ZNF592: variants seen among roughly 807,000 people sequenced by gnomAD.
ZNF592 encodes the protein spinocerebellar ataxia, autosomal recessive 5.
ZNF592 carries 11 observed loss-of-function variants against 80.3 expected under a neutral mutation model. That is an observed-to-expected ratio of 0.14 (90% CI 0.09 to 0.23). The LOEUF is 0.23. Ranked by LOEUF, ZNF592 falls within the 10% of genes least tolerant of loss-of-function variation. The pLI, the probability that ZNF592 is intolerant of heterozygous loss-of-function variation, is 1.00. For missense variants in ZNF592, 1,420 were observed against 1,633.9 expected, an observed-to-expected ratio of 0.87 and a Z score of 2.26; for synonymous variants, 646 against 640.3, an observed-to-expected ratio of 1.01 and a Z score of -0.13.
intron 1 of ZNF592, among the ~76,000 whole-genome samples, chr15:84,764,269 G>A (rs1189885231): frequency 1.3e-5 from 2 of 152,202 alleles, no homozygotes; most frequent in African/African-American, 2.4e-5. Context: ...GGAAAGCTTG[G>A]TGGCCACTGA....
At chr15:84,787,569 T>C (rs370693488) in intron 4 of ZNF592, among the ~76,000 whole-genome samples, 1 of 152,180 alleles carries the variant, frequency 6.6e-6, no homozygotes, top group South Asian at 2.1e-4. Flanking sequence ...TTCCATCTTC[T>C]TCCTGGGAGT....
intron 2 of ZNF592, among the ~76,000 whole-genome samples, chr15:84,774,624 A>G (rs1327891909): frequency 6.6e-6 from 1 of 152,208 alleles, no homozygotes; most frequent in African/African-American, 2.4e-5. Context: ...ACGGATGCAC[A>G]CAGACAACAT....
chr15:84,750,377 A>G (rs945956738), intron 1 of ZNF592, among the ~76,000 whole-genome samples: 1 of 152,238 alleles, frequency 6.6e-6, no homozygotes, highest in African/African-American at 2.4e-5. Context: ...GCATTGTTCT[A>G]GATGCAGTGA....
chr15:84,791,010 T>G, intron 5 of ZNF592, 127 bp downstream of exon 5: 1 of 1,025,248 alleles, frequency 9.8e-7, no homozygotes, highest in Non-Finnish European at 1.5e-6. Flanking sequence ...ACAAGAGCAT[T>G]GGATGGTATG....
chr15:84,761,812 T>C (rs905275264), intron 1 of ZNF592, among the ~76,000 whole-genome samples: 1 of 152,232 alleles, frequency 6.6e-6, no homozygotes, highest in Non-Finnish European at 1.5e-5. Context: ...CTGAAAGCCA[T>C]TTGTTCCATC....
chr15:84,755,730 T>C (rs769821497), intron 1 of ZNF592, among the ~76,000 whole-genome samples: 1 of 152,228 alleles, frequency 6.6e-6, no homozygotes, highest in East Asian at 1.9e-4. Context: ...GAGACAAACA[T>C]TGAATGCCCT....
intron 1 of ZNF592, among the ~76,000 whole-genome samples, chr15:84,749,258 G>T (rs1369983625): frequency 6.6e-6 from 1 of 152,170 alleles, no homozygotes; most frequent in Non-Finnish European, 1.5e-5. Context: ...GTTGATCAGG[G>T]TGAAAATTGT....
At chr15:84,771,309 C>T (rs1490400245) in intron 2 of ZNF592, among the ~76,000 whole-genome samples, 1 of 152,100 alleles carries the variant, frequency 6.6e-6, no homozygotes. Context: ...TTGCAGTACT[C>T]AGAGAAGGCA....
Position 84,784,220 on chromosome 15 carries a change from T to C in ZNF592, c.1545T>C (p.Val515=), listed in dbSNP as rs1962516037. The change falls in exon 4 of 11, where the codon GTT becomes GTC. Residue 515 remains valine (V), a synonymous_variant. Coordinates refer to ENST00000560079, the MANE Select transcript of ZNF592 (RefSeq NM_014630.3). The surrounding 1 kb of genome is among the most constrained non-coding windows in gnomAD (Gnocchi z 5.8). ...LANLNLVPHS[V]AASVTAKSSV... ...ACCTGAACCTCGTCCCCCACAGTGTTGCTGCATCAGTGACAGCCAAGTCTT... is the reference window on the plus strand; with the variant it reads ...ACCTGAACCTCGTCCCCCACAGTGTCGCTGCATCAGTGACAGCCAAGTCTT... 6.2e-7 allele frequency: 1 copy of C among 1,614,118 alleles called. No individual in the cohort carries two copies. Among genetic ancestry groups the C allele is most frequent in the African/African-American group, 1.3e-5 (1 of 74,956 alleles).
In ZNF592 at chr15:84,783,398, T is replaced by G. The variant is rs1567069500; in HGVS notation, c.723T>G (p.Ala241=). 6.2e-7 allele frequency: 1 copy of G among 1,614,166 alleles called. No homozygotes were observed. Among genetic ancestry groups the G allele is most frequent in the South Asian group, 1.1e-5 (1 of 91,076 alleles). The change falls in exon 4 of 11, where the codon GCT becomes GCG. Residue 241 remains alanine, a synonymous_variant. Transcript: ENST00000560079. This position sits in a 1 kb window ranked among gnomAD's most constrained non-coding sequence, Gnocchi z 5.0. ...DPDATRFFGE[A]LEFNSHPSNS... The stretch of plus-strand genomic sequence containing the variant: ...ATGCCACTCGATTCTTCGGGGAAGC[T>G]TTGGAGTTCAACAGCCATCCTAGCA...
chr15:84,771,350 G>C (rs1899695684), intron 2 of ZNF592, among the ~76,000 whole-genome samples: 1 of 152,152 alleles, frequency 6.6e-6, no homozygotes, highest in South Asian at 2.1e-4. Context: ...TGAAACTTGG[G>C]GATGAGGAGT....
chr15:84,770,503 A>G (rs527593164), intron 2 of ZNF592, among the ~76,000 whole-genome samples: 1 of 152,274 alleles, frequency 6.6e-6, no homozygotes, highest in African/African-American at 2.4e-5. Flanking sequence ...TGGTGCCCAC[A>G]GATGTTTCCA....
chr15:84,796,238 A>AT (rs1962898907), intron 5 of ZNF592, among the ~76,000 whole-genome samples: 1 of 20,884 alleles, frequency 4.8e-5, no homozygotes, highest in Non-Finnish European at 7.7e-5. Flanking sequence ...AAAAAAAAAA[A>AT]AATATATATA....
chr15:84,784,353 C>A lies in ZNF592; in HGVS notation c.1678C>A (p.His560Asn), dbSNP rs1384358755. The change falls in exon 4 of 11, where the codon CAC becomes AAC. Residue 560 changes from histidine to asparagine, a missense_variant. His to Asn is a moderately conservative substitution (Grantham distance 68). Coordinates refer to ENST00000560079, the MANE Select transcript of ZNF592 (RefSeq NM_014630.3). The surrounding 1 kb of genome is among the most constrained non-coding windows in gnomAD (Gnocchi z 5.8). ...LIVEVFNKVL[H>N]SSNPVPLYAP... ...TGTAGAGGTCTTCAACAAGGTCCTT[C>A]ACAGCTCCAACCCCGTGCCCCTCTA... 1 of 1,614,220 alleles carries A rather than the reference C, an allele frequency of 6.2e-7. No homozygotes were observed. The highest frequency in any genetic ancestry group is 8.5e-7 in the Non-Finnish European group (1 of 1,180,046).
chr15:84,799,204 C>T lies in ZNF592; in HGVS notation c.3131C>T (p.Thr1044Ile). ...CATGACACAGTAAAGAAGTTCTACA[C>T]CTGCGGGTGAGTCCCTGGGGATAGT... ...NNHDTVKKFY[T>I]CGYCTEDSPS... Residue 1044 changes from threonine (T) to isoleucine (I), a missense_variant, in exon 9 of 11, where the codon ACC becomes ATC. Physicochemically the swap from Thr to Ile is moderately conservative, Grantham distance 89 (BLOSUM62 -1). Coordinates refer to ENST00000560079, the MANE Select transcript of ZNF592 (RefSeq NM_014630.3). The surrounding 1 kb of genome is among the most constrained non-coding windows in gnomAD (Gnocchi z 4.2). 1 of 1,614,174 alleles carries T rather than the reference C, an allele frequency of 6.2e-7. No homozygotes were observed. The highest frequency in any genetic ancestry group is 8.5e-7 in the Non-Finnish European group (1 of 1,180,020).
intron 1 of ZNF592, among the ~76,000 whole-genome samples, chr15:84,761,894 T>C (rs1030269967): frequency 7.2e-5 from 11 of 152,240 alleles, no homozygotes; most frequent in African/African-American, 1.7e-4. Flanking sequence ...AACAAACCCA[T>C]TGGATTGGAT....
chr15:84,776,270 G>A (rs944896780), intron 2 of ZNF592, among the ~76,000 whole-genome samples: 2 of 152,282 alleles, frequency 1.3e-5, no homozygotes, highest in Non-Finnish European at 2.9e-5. Context: ...ACTGCCCCCA[G>A]GCAAGGTAGG....
chr15:84,783,827 A>G lies in ZNF592; in HGVS notation c.1152A>G (p.Ser384=), dbSNP rs758387975. ...GAATCAAAACCATTAAGACATCATC[A>G]GGGGAAATCAAACGGACTGTCACAA... ...KVRIKTIKTS[S]GEIKRTVTRI... is the part of the protein sequence containing the mutation. Residue 384 remains serine (S), a synonymous_variant, in exon 4 of 11, where the codon TCA becomes TCG. Coordinates refer to ENST00000560079, the MANE Select transcript of ZNF592 (RefSeq NM_014630.3). This position sits in a 1 kb window ranked among gnomAD's most constrained non-coding sequence, Gnocchi z 5.0. 1.2e-6 allele frequency: 2 copies of G among 1,614,198 alleles called. No individual in the cohort carries two copies. The highest frequency in any genetic ancestry group is 8.5e-7 in the Non-Finnish European group (1 of 1,180,020).
chr15:84,765,909 G>T (rs1263954770), intron 2 of ZNF592, among the ~76,000 whole-genome samples: 1 of 151,832 alleles, frequency 6.6e-6, no homozygotes, highest in African/African-American at 2.4e-5. Context: ...GCCAAGGGGT[G>T]GGTCCCTATT....
Sources: gnomAD v4.1 joint callset for allele counts (sites outside exome capture counted in the v4.1 genomes callset) on GRCh38, gnomAD v4.1.1 for gene constraint, Gnocchi (gnomAD v3.1) non-coding constraint, MANE v1.5 for transcripts, NCBI Gene and HGNC (gene_info 2026-07-23, HGNC 2026-07-21) for gene names.